Variants in GABPB1 observed in about 807,000 individuals in gnomAD.
The protein encoded by GABPB1 is GA binding protein transcription factor subunit beta 1.
In GABPB1, 15 loss-of-function variants were observed where a neutral mutation model predicts 45.9. The observed-to-expected ratio is 0.33, with a 90% CI of 0.22 to 0.50. The LOEUF (loss-of-function observed/expected upper bound fraction) is 0.50. GABPB1 is among the 20% of genes least tolerant of loss of function. The pLI is 0.98. For synonymous variants in GABPB1, 143 were observed against 154.4 expected, an observed-to-expected ratio of 0.93 and a Z score of 0.55; for missense variants, 252 against 457.5, an observed-to-expected ratio of 0.55 and a Z score of 4.10.
chr15:50,298,202 C>T (rs2046592880), intron 6 of GABPB1, among the ~76,000 whole-genome samples: 1 of 152,154 alleles, frequency 6.6e-6, no homozygotes, highest in South Asian at 2.1e-4. Context: ...AGTGATCCTC[C>T]CACCTCAGCC....
At position 50,354,659 on chromosome 15, in the gene GABPB1, G is replaced by C. The variant is rs746099945; in HGVS notation, c.-1+326C>G. ...TCGCCACCCCGGGGCTGCCGCTCGGGACCGGCAAGCCGGGTAGCCGCGAGG... is the reference window on the plus strand; with the variant it reads ...TCGCCACCCCGGGGCTGCCGCTCGGCACCGGCAAGCCGGGTAGCCGCGAGG... On this transcript the variant is annotated intron_variant, in intron 1 of 8. Transcript: ENST00000380877. The C allele has an allele frequency of 6.5e-5, 28 of 429,152 alleles. 1 individual carries two copies. Among genetic ancestry groups the C allele is most frequent in the South Asian group, 4.5e-4 (28 of 61,776 alleles). The allele number at this position is 429,152 out of a possible 1,614,324, so 26.6% of individuals were successfully genotyped here. A position where few individuals can be genotyped will look rare whatever the true frequency, so the allele number is the denominator to read the frequency against.
intron 1 of GABPB1, among the ~76,000 whole-genome samples, chr15:50,310,237 C>T (rs1375231389): frequency 6.6e-6 from 1 of 152,162 alleles, no homozygotes; most frequent in African/African-American, 2.4e-5. Context: ...GGACTACAGG[C>T]ATGCACCACC....
intron 1 of GABPB1, among the ~76,000 whole-genome samples, chr15:50,342,194 T>A (rs944000986): frequency 1.3e-5 from 2 of 152,202 alleles, no homozygotes; most frequent in Non-Finnish European, 2.9e-5. Flanking sequence ...AATGAATTAA[T>A]CACTTCTTTA....
chr15:50,295,101 C>T (rs1241362712), intron 6 of GABPB1, among the ~76,000 whole-genome samples: 1 of 152,192 alleles, frequency 6.6e-6, no homozygotes, highest in Non-Finnish European at 1.5e-5. Context: ...ACATCTTAAC[C>T]AATCACAGCT....
intron 1 of GABPB1, chr15:50,327,417 T>A (rs907508351): frequency 1.3e-5 from 2 of 152,250 alleles, no homozygotes; most frequent in African/African-American, 4.8e-5. Flanking sequence ...AGTTTCTCCA[T>A]CCTGCTGCCA....
At chr15:50,292,314 C>CAAAAAAAA (rs762047613) in intron 6 of GABPB1, among the ~76,000 whole-genome samples, 2 of 49,564 alleles carry the variant, frequency 4.0e-5, no homozygotes, top group African/African-American at 5.5e-5. Flanking sequence ...GACTCCATCT[C>CAAAAAAAA]AAAAAAAAAA....
intron 6 of GABPB1, among the ~76,000 whole-genome samples, chr15:50,297,057 T>C (rs7176792): frequency 0.49 from 74,290 of 150,262 alleles, 19,358 homozygotes; most frequent in Middle Eastern, 0.65. Context: ...ATTACAGGCA[T>C]ACGCCACCAC....
At chr15:50,281,187 A>G (rs2045958321) in intron 8 of GABPB1, among the ~76,000 whole-genome samples, 1 of 152,206 alleles carries the variant, frequency 6.6e-6, no homozygotes, top group Admixed American at 6.5e-5. Context: ...TTTAATCTTT[A>G]AGATTGAAAG....
chr15:50,343,836 C>T (rs181943171), intron 1 of GABPB1, among the ~76,000 whole-genome samples: 165 of 152,312 alleles, frequency 1.1e-3, no homozygotes, highest in African/African-American at 3.9e-3. Flanking sequence ...CACACCTGGC[C>T]AATCAAATGT....
intron 8 of GABPB1, 94 bp downstream of exon 8, chr15:50,285,974 A>G (rs1342170878): frequency 1.3e-6 from 2 of 1,540,124 alleles, no homozygotes; most frequent in Non-Finnish European, 1.7e-6. Context: ...TTCTGTATCA[A>G]AACAATACTG....
intron 2 of GABPB1, among the ~76,000 whole-genome samples, chr15:50,306,981 T>C (rs2046972022): frequency 6.6e-6 from 1 of 152,162 alleles, no homozygotes; most frequent in Non-Finnish European, 1.5e-5. Flanking sequence ...ATTTAGATTG[T>C]TTCCAGTTTT....
At chr15:50,288,163 T>C (rs1440471992) in intron 7 of GABPB1, among the ~76,000 whole-genome samples, 1 of 152,212 alleles carries the variant, frequency 6.6e-6, no homozygotes, top group Non-Finnish European at 1.5e-5. Flanking sequence ...GCGATCTTCC[T>C]GCCTCAGCCT....
intron 1 of GABPB1, among the ~76,000 whole-genome samples, chr15:50,321,323 C>A (rs1320884886): frequency 6.6e-6 from 1 of 152,124 alleles, no homozygotes; most frequent in Non-Finnish European, 1.5e-5. Flanking sequence ...ATAAGGTCTC[C>A]ACTCCCCACA....
At chr15:50,334,695 A>C (rs2048060340) in intron 1 of GABPB1, among the ~76,000 whole-genome samples, 1 of 151,856 alleles carries the variant, frequency 6.6e-6, no homozygotes, top group Non-Finnish European at 1.5e-5. Context: ...TTTTCTGTAC[A>C]GACAAGGTTT....
chr15:50,298,795 T>C (rs2046615907), intron 6 of GABPB1, among the ~76,000 whole-genome samples: 1 of 151,630 alleles, frequency 6.6e-6, no homozygotes, highest in Non-Finnish European at 1.5e-5. Context: ...CTACTAAAAA[T>C]ACAAAAAATA....
intron 7 of GABPB1, among the ~76,000 whole-genome samples, chr15:50,286,721 TTCC>T (rs2046169716): frequency 6.6e-6 from 1 of 152,186 alleles, no homozygotes; most frequent in African/African-American, 2.4e-5. Flanking sequence ...TAAGTGCATA[TTCC>T]ATTATGAGCA....
intron 1 of GABPB1, chr15:50,352,178 TCTGAATTC>T (rs1450305784): frequency 1.3e-5 from 2 of 152,130 alleles, no homozygotes; most frequent in Non-Finnish European, 2.9e-5. Flanking sequence ...TTTCTGAATT[TCTGAATTC>T]CTCATGACGT....
chr15:50,328,505 A>T (rs2047848332), intron 1 of GABPB1, among the ~76,000 whole-genome samples: 1 of 152,148 alleles, frequency 6.6e-6, no homozygotes. Flanking sequence ...TAAAATTCGG[A>T]TTTAATATTT....
chr15:50,330,994 C>T (rs1346845083), intron 1 of GABPB1, among the ~76,000 whole-genome samples: 1 of 152,130 alleles, frequency 6.6e-6, no homozygotes, highest in African/African-American at 2.4e-5. Context: ...CAAAAGGCCT[C>T]TCTGAGGAGG....
Sources: gnomAD v4.1 joint callset for allele counts (sites outside exome capture counted in the v4.1 genomes callset) on GRCh38, gnomAD v4.1.1 for gene constraint, MANE v1.5 for transcripts, NCBI Gene and HGNC (gene_info 2026-07-23, HGNC 2026-07-21) for gene names.